Variants in AHCYL2 observed in about 807,000 individuals in gnomAD.
AHCYL2 encodes adenosylhomocysteinase like 2.
Under a neutral mutation model 81.4 loss-of-function variants are expected in AHCYL2, and 28 were observed. The ratio of observed to expected loss-of-function variants is 0.34; its 90% CI spans 0.25 to 0.47. AHCYL2 has a LOEUF of 0.47. Among genes scored for constraint, AHCYL2 ranks in the 20% least tolerant of loss-of-function variants. AHCYL2 has a pLI of 1.00. For missense variants in AHCYL2, 551 were observed against 785.1 expected, an observed-to-expected ratio of 0.70 and a Z score of 3.56; for synonymous variants, 272 against 290.2, an observed-to-expected ratio of 0.94 and a Z score of 0.64.
At chr7:129,299,718 C>A (rs970579350) in intron 1 of AHCYL2, among the ~76,000 whole-genome samples, 12 of 152,120 alleles carry the variant, frequency 7.9e-5, no homozygotes, top group Middle Eastern at 6.8e-3. Context: ...GGAGTACTTC[C>A]GTAACAAAGA....
intron 1 of AHCYL2, among the ~76,000 whole-genome samples, chr7:129,310,940 G>A (rs1797634634): frequency 6.6e-6 from 1 of 151,904 alleles, no homozygotes; most frequent in African/African-American, 2.4e-5. Context: ...GTGAAACCCT[G>A]TTTCTACAAA....
chr7:129,384,826 A>G (rs994708072), intron 2 of AHCYL2, among the ~76,000 whole-genome samples: 2 of 152,202 alleles, frequency 1.3e-5, no homozygotes, highest in African/African-American at 4.8e-5. Flanking sequence ...CGTAGGAGAG[A>G]AGTTAATTCA....
intron 1 of AHCYL2, among the ~76,000 whole-genome samples, chr7:129,358,756 T>C (rs1369419417): frequency 6.6e-6 from 1 of 152,184 alleles, no homozygotes; most frequent in Non-Finnish European, 1.5e-5. Flanking sequence ...TATGTACATT[T>C]ACCACAATTT....
chr7:129,384,840 T>C (rs970658568), intron 2 of AHCYL2, among the ~76,000 whole-genome samples: 7 of 152,236 alleles, frequency 4.6e-5, no homozygotes, highest in Admixed American at 4.6e-4. Flanking sequence ...TAATTCATTA[T>C]GTACAATGGA....
At chr7:129,315,358 C>T (rs1797795865) in intron 1 of AHCYL2, among the ~76,000 whole-genome samples, 1 of 152,154 alleles carries the variant, frequency 6.6e-6, no homozygotes, top group African/African-American at 2.4e-5. Context: ...CCCCTACTGT[C>T]CTGTGCTGCC....
intron 1 of AHCYL2, among the ~76,000 whole-genome samples, chr7:129,363,430 C>T (rs889346465): frequency 1.3e-5 from 2 of 151,974 alleles, no homozygotes; most frequent in African/African-American, 2.4e-5. Context: ...TGCAGAAAGA[C>T]GTAGTGAGGT....
chr7:129,252,566 A>C (rs4731566), intron 1 of AHCYL2, among the ~76,000 whole-genome samples: 77,560 of 152,182 alleles, frequency 0.51, 22,410 homozygotes, highest in Non-Finnish European at 0.63. Context: ...CAGGAGTTTG[A>C]GACCAGCCTA....
chr7:129,411,288 C>T (rs142291388), intron 11 of AHCYL2, among the ~76,000 whole-genome samples: 1,909 of 152,158 alleles, frequency 0.013, 20 homozygotes, highest in Middle Eastern at 0.031. Context: ...TCCCAATTAT[C>T]GAATTTTTAT....
At chr7:129,331,351 A>G (rs191101720) in intron 1 of AHCYL2, among the ~76,000 whole-genome samples, 141 of 152,292 alleles carry the variant, frequency 9.3e-4, no homozygotes, top group Non-Finnish European at 1.5e-3. Flanking sequence ...AAAGATTTAG[A>G]TTTAGCATTT....
intron 1 of AHCYL2, among the ~76,000 whole-genome samples, chr7:129,342,818 G>T (rs993509516): frequency 1.3e-5 from 2 of 152,084 alleles, no homozygotes; most frequent in Non-Finnish European, 2.9e-5. Flanking sequence ...ACATCATCTT[G>T]TGCTTCATTC....
intron 1 of AHCYL2, among the ~76,000 whole-genome samples, chr7:129,265,302 C>T (rs1047922279): frequency 6.6e-6 from 1 of 152,152 alleles, no homozygotes; most frequent in African/African-American, 2.4e-5. Context: ...AAGGGCATCC[C>T]AGAAGCCCCA....
chr7:129,273,321 C>CTTTTTTTTT (rs35236990), intron 1 of AHCYL2, among the ~76,000 whole-genome samples: 18 of 75,886 alleles, frequency 2.4e-4, no homozygotes, highest in East Asian at 9.5e-4. Flanking sequence ...TTTGCTAAGA[C>CTTTTTTTTT]TTTTTTTTTT....
intron 1 of AHCYL2, among the ~76,000 whole-genome samples, chr7:129,285,799 C>T (rs959819977): frequency 2.6e-5 from 4 of 151,416 alleles, no homozygotes; most frequent in Admixed American, 6.6e-5. Context: ...CAACCTTCAC[C>T]TCCCAGGCTC....
At chr7:129,324,602 G>A (rs1584784485) in intron 1 of AHCYL2, among the ~76,000 whole-genome samples, 1 of 152,244 alleles carries the variant, frequency 6.6e-6, no homozygotes, top group East Asian at 1.9e-4. Context: ...TGCAAGCTCT[G>A]CCTCCCGGGT....
At chr7:129,332,538 C>T (rs1167621259) in intron 1 of AHCYL2, among the ~76,000 whole-genome samples, 1 of 152,192 alleles carries the variant, frequency 6.6e-6, no homozygotes, top group Non-Finnish European at 1.5e-5. Flanking sequence ...ACCGGGGCCA[C>T]TGGTAACAGG....
chr7:129,302,284 A>G (rs1370306930), intron 1 of AHCYL2, among the ~76,000 whole-genome samples: 5 of 152,146 alleles, frequency 3.3e-5, no homozygotes, highest in African/African-American at 9.7e-5. Context: ...GGTTTTTCCA[A>G]ATATAAGGTC....
intron 1 of AHCYL2, among the ~76,000 whole-genome samples, chr7:129,227,157 G>T (rs1034871276): frequency 6.6e-6 from 1 of 152,142 alleles, no homozygotes; most frequent in African/African-American, 2.4e-5. Context: ...TTGAGGATTA[G>T]AAATATTTGT....
intron 1 of AHCYL2, among the ~76,000 whole-genome samples, chr7:129,235,540 A>C (rs1230367257): frequency 3.3e-5 from 5 of 150,994 alleles, no homozygotes; most frequent in Non-Finnish European, 5.9e-5. Flanking sequence ...CTCCCACCTC[A>C]CCCTGTGGAG....
chr7:129,366,039 T>A (rs1794101737), intron 1 of AHCYL2, among the ~76,000 whole-genome samples: 1 of 152,164 alleles, frequency 6.6e-6, no homozygotes, highest in Admixed American at 6.6e-5. Context: ...AGGACAATAA[T>A]TAGAGGTTGC....
Sources: gnomAD v4.1 joint callset for allele counts (sites outside exome capture counted in the v4.1 genomes callset) on GRCh38, gnomAD v4.1.1 for gene constraint, MANE v1.5 for transcripts, NCBI Gene and HGNC (gene_info 2026-07-23, HGNC 2026-07-21) for gene names.